The following CSMD3 variants were observed in gnomAD, a reference collection of about 807,000 sequenced individuals.
CSMD3 encodes the protein CUB and sushi domain-containing protein 3.
A neutral mutation model predicts 435.2 loss-of-function variants in CSMD3; 177 were observed. The observed-to-expected ratio is 0.41, with a 90% confidence interval of 0.36 to 0.46. CSMD3 has a LOEUF of 0.46. CSMD3 is among the 20% of genes least tolerant of loss of function. CSMD3 has a pLI of 0.34. For synonymous variants in CSMD3, 1,656 were observed against 1,520.5 expected, an observed-to-expected ratio of 1.09 and a Z score of -2.07; for missense variants, 4,265 against 4,504.6, an observed-to-expected ratio of 0.95 and a Z score of 1.52.
intron 13 of CSMD3, among the ~76,000 whole-genome samples, chr8:112,695,711 A>G (rs2076238095): frequency 6.6e-6 from 1 of 152,184 alleles, no homozygotes. Flanking sequence ...TATTCAACAT[A>G]GTGTTGGAAG....
chr8:113,090,360 A>C (rs541563514), intron 5 of CSMD3, among the ~76,000 whole-genome samples: 42 of 151,520 alleles, frequency 2.8e-4, no homozygotes, highest in Non-Finnish European at 5.0e-4. Flanking sequence ...TTAAGATGAA[A>C]AAATTTGAAA....
chr8:112,974,854 T>C (rs1347622671), intron 7 of CSMD3, among the ~76,000 whole-genome samples: 1 of 151,744 alleles, frequency 6.6e-6, no homozygotes, highest in Non-Finnish European at 1.5e-5. Flanking sequence ...ATACAGACCA[T>C]TACTTAAATC....
At chr8:112,688,842 G>A (rs2076069603) in intron 14 of CSMD3, among the ~76,000 whole-genome samples, 1 of 151,928 alleles carries the variant, frequency 6.6e-6, no homozygotes, top group African/African-American at 2.4e-5. Context: ...ATTGGTTTTA[G>A]TCAGCAAAAT....
At chr8:113,182,279 T>C (rs2092432302) in intron 3 of CSMD3, among the ~76,000 whole-genome samples, 1 of 151,774 alleles carries the variant, frequency 6.6e-6, no homozygotes, top group South Asian at 2.1e-4. Context: ...AAGTTTTTAG[T>C]TGGAGAGGAT....
At chr8:113,034,887 A>G (rs569812310) in intron 5 of CSMD3, among the ~76,000 whole-genome samples, 1 of 152,222 alleles carries the variant, frequency 6.6e-6, no homozygotes, top group South Asian at 2.1e-4. Context: ...AATTTTAACT[A>G]TCTAACCATA....
intron 5 of CSMD3, among the ~76,000 whole-genome samples, chr8:113,060,574 C>A (rs1183704824): frequency 6.6e-6 from 1 of 152,054 alleles, no homozygotes; most frequent in Non-Finnish European, 1.5e-5. Flanking sequence ...TATAGTAATA[C>A]TTCTCCTTTA....
At chr8:112,303,583 C>T (rs1239361244) in intron 52 of CSMD3, among the ~76,000 whole-genome samples, 2 of 150,948 alleles carry the variant, frequency 1.3e-5, no homozygotes, top group African/African-American at 4.9e-5. Context: ...CAAACAAAAA[C>T]AACAAAAAAA....
At chr8:112,274,500 A>G (rs1237961820) in intron 59 of CSMD3, among the ~76,000 whole-genome samples, 2 of 152,146 alleles carry the variant, frequency 1.3e-5, no homozygotes, top group Admixed American at 1.3e-4. Flanking sequence ...AAATGTCTCT[A>G]GAGATATAGG....
At chr8:113,378,278 C>CA (rs1291243609) in intron 1 of CSMD3, among the ~76,000 whole-genome samples, 15 of 152,104 alleles carry the variant, frequency 9.9e-5, no homozygotes, top group Non-Finnish European at 2.2e-4. Context: ...TTCACTTACT[C>CA]AAAAAATACG....
chr8:113,414,150 T>A (rs1385704242), intron 1 of CSMD3, among the ~76,000 whole-genome samples: 1 of 152,206 alleles, frequency 6.6e-6, no homozygotes, highest in African/African-American at 2.4e-5. Context: ...CTTTCCAATA[T>A]GGTAGCCACT....
intron 1 of CSMD3, among the ~76,000 whole-genome samples, chr8:113,418,611 A>G (rs2094593990): frequency 6.6e-6 from 1 of 152,212 alleles, no homozygotes; most frequent in Non-Finnish European, 1.5e-5. Flanking sequence ...ACGGGAGATG[A>G]AAAATACCCA....
At chr8:112,835,919 A>C (rs1376043593) in intron 11 of CSMD3, among the ~76,000 whole-genome samples, 1 of 151,896 alleles carries the variant, frequency 6.6e-6, no homozygotes, top group Non-Finnish European at 1.5e-5. Context: ...AGTCTTATCC[A>C]GAAGGACATG....
chr8:113,434,485 G>A (rs1021387010), intron 1 of CSMD3, among the ~76,000 whole-genome samples: 7 of 152,172 alleles, frequency 4.6e-5, no homozygotes, highest in African/African-American at 1.7e-4. Context: ...GCATCATTCG[G>A]AGATTGACAG....
intron 57 of CSMD3, 64 bp downstream of exon 57, chr8:112,289,301 G>GCTA (rs1169655725): frequency 1.3e-5 from 17 of 1,267,536 alleles, no homozygotes; most frequent in East Asian, 2.3e-5. Flanking sequence ...TGTATACGTT[G>GCTA]CTACTACTAC....
intron 6 of CSMD3, among the ~76,000 whole-genome samples, chr8:112,981,122 G>A (rs2085036802): frequency 6.6e-6 from 1 of 151,336 alleles, no homozygotes; most frequent in Non-Finnish European, 1.5e-5. Flanking sequence ...CTGTATTTAT[G>A]TTGAAACTTC....
At chr8:112,964,417 T>C (rs943978293) in intron 7 of CSMD3, among the ~76,000 whole-genome samples, 5 of 151,968 alleles carry the variant, frequency 3.3e-5, no homozygotes, top group Admixed American at 3.3e-4. Flanking sequence ...ACAAAAGCTT[T>C]ATTAACTGGA....
intron 13 of CSMD3, among the ~76,000 whole-genome samples, chr8:112,743,330 T>C (rs945410137): frequency 2.0e-5 from 3 of 151,602 alleles, no homozygotes; most frequent in Non-Finnish European, 2.9e-5. Flanking sequence ...AAAGAAGACA[T>C]ATGAGCAATG....
chr8:112,836,798 A>G (rs571201858), intron 11 of CSMD3, among the ~76,000 whole-genome samples: 2 of 151,812 alleles, frequency 1.3e-5, no homozygotes, highest in Non-Finnish European at 3.0e-5. Context: ...GAGGTTTCCC[A>G]TATGTAAACT....
At chr8:112,412,381 T>C (rs1043260760) in intron 32 of CSMD3, among the ~76,000 whole-genome samples, 3 of 152,006 alleles carry the variant, frequency 2.0e-5, no homozygotes, top group African/African-American at 7.2e-5. Flanking sequence ...TGTTTCTTCA[T>C]TTCCAAGCAC....
Sources: allele counts gnomAD v4.1 joint callset (sites outside exome capture counted in the v4.1 genomes callset), GRCh38; gene constraint gnomAD v4.1.1; transcripts MANE v1.5; gene names NCBI Gene and HGNC (gene_info 2026-07-23, HGNC 2026-07-21).